Variants in LINGO2 observed in about 807,000 individuals in gnomAD.
The protein encoded by LINGO2 is leucine rich repeat and Ig domain containing 2, also known as leucine-rich repeat and immunoglobulin-like domain-containing nogo receptor-interacting protein 2.
A neutral mutation model predicts 30.6 loss-of-function variants in LINGO2; 14 were observed. The ratio of observed to expected loss-of-function variants is 0.46; its 90% CI spans 0.30 to 0.72. The LOEUF (loss-of-function observed/expected upper bound fraction) is 0.72. Among genes scored for constraint, LINGO2 ranks in the 30% least tolerant of loss-of-function variants. LINGO2 has a pLI of 0.07. For missense variants in LINGO2, 729 were observed against 751.7 expected (o/e 0.97, Z 0.35); for synonymous variants, 317 against 288.5 (o/e 1.10, Z -1.00).
intron 4 of LINGO2, among the ~76,000 whole-genome samples, chr9:28,213,160 G>T (rs1820649692): frequency 6.6e-6 from 1 of 151,412 alleles, no homozygotes; most frequent in African/African-American, 2.4e-5. Flanking sequence ...TCTACTCTTG[G>T]ACACTTCAAA....
At chr9:27,951,844 G>A (rs1243123741) in intron 5 of LINGO2, among the ~76,000 whole-genome samples, 2 of 151,370 alleles carry the variant, frequency 1.3e-5, no homozygotes, top group South Asian at 2.1e-4. Flanking sequence ...ATAATTATCC[G>A]ATTACAGTAT....
At chr9:28,644,437 C>T (rs903371753) in intron 1 of LINGO2, among the ~76,000 whole-genome samples, 1 of 151,824 alleles carries the variant, frequency 6.6e-6, no homozygotes, top group African/African-American at 2.4e-5. Flanking sequence ...AAGACAAACA[C>T]TCGATATGTT....
chr9:28,644,739 C>T lies in LINGO2; in HGVS notation c.-365+25461G>A, dbSNP rs1003626444. ...ATAAATCCTTGATGGAACAGAAGCC[C>T]CATTTTCCATGATGTCATTACTATG... On this transcript the variant is annotated intron_variant, in intron 1 of 5. Transcript: ENST00000379992. 2.0e-5 allele frequency among the ~76,000 whole-genome samples: 3 copies of T among 151,976 alleles called. No individual in the cohort carries two copies. In the East Asian group the frequency reaches 5.8e-4, roughly 29 times the overall value.
chr9:28,285,398 ATTTTTTTTTT>A (rs34034595), intron 4 of LINGO2, among the ~76,000 whole-genome samples: 8 of 76,166 alleles, frequency 1.1e-4, no homozygotes, highest in South Asian at 5.9e-4. Context: ...GCCCAAGATC[ATTTTTTTTTT>A]TTTTTTTTTT....
the LINGO2 span, among the ~76,000 whole-genome samples, chr9:28,760,939 T>C: frequency 4.5e-5 from 1 of 22,302 alleles, no homozygotes; most frequent in African/African-American, 1.1e-4. Context: ...TGTGTATATA[T>C]ATATATACAC....
intron 1 of LINGO2, among the ~76,000 whole-genome samples, chr9:28,562,326 G>A (rs1162577479): frequency 5.9e-5 from 9 of 151,754 alleles, no homozygotes; most frequent in Non-Finnish European, 1.2e-4. Flanking sequence ...AGTGAGCTAA[G>A]GCTTTCCTGA....
chr9:28,034,985 CTG>C (rs1823861748), intron 4 of LINGO2, among the ~76,000 whole-genome samples: 1 of 152,326 alleles, frequency 6.6e-6, no homozygotes, highest in Non-Finnish European at 1.5e-5. Context: ...GTATCTATCA[CTG>C]TGTCTTTCTC....
chr9:28,909,683 C>T, the LINGO2 span, among the ~76,000 whole-genome samples: 38 of 152,070 alleles, frequency 2.5e-4, no homozygotes, highest in African/African-American at 9.1e-4. Context: ...CATTCATTTC[C>T]TGTCAACTTT....
chr9:28,783,574 A>G, the LINGO2 span, among the ~76,000 whole-genome samples: 437 of 152,300 alleles, frequency 2.9e-3, 3 homozygotes, highest in African/African-American at 0.01. Flanking sequence ...TACTAAGGGA[A>G]CACAAACCCC....
intron 1 of LINGO2, among the ~76,000 whole-genome samples, chr9:28,662,837 C>T (rs759895924): frequency 7.9e-5 from 12 of 152,254 alleles, no homozygotes; most frequent in Non-Finnish European, 1.2e-4. Context: ...AGATCCATCA[C>T]CATTTAAACT....
chr9:28,077,016 G>A (rs1374074225), intron 4 of LINGO2, among the ~76,000 whole-genome samples: 1 of 152,060 alleles, frequency 6.6e-6, no homozygotes, highest in African/African-American at 2.4e-5. Flanking sequence ...AGTAAGTAGG[G>A]GTACTTTTTA....
At chr9:28,015,609 C>T (rs1009112706) in intron 4 of LINGO2, among the ~76,000 whole-genome samples, 16 of 152,052 alleles carry the variant, frequency 1.1e-4, no homozygotes, top group African/African-American at 3.9e-4. Context: ...ACATTAGGAA[C>T]ACAGGTTTTG....
Position 28,319,177 on chromosome 9 carries a change from T to C in LINGO2, c.-245-23811A>G, listed in dbSNP as rs543938706. On this transcript the variant is annotated intron_variant, in intron 3 of 5. Transcript: ENST00000379992. Reference sequence around the variant, plus strand: ...ACATGAAATCAAATTTAACACAATGTATAATGGGAAAATTGGGGCTTCCAT... The same window carrying C: ...ACATGAAATCAAATTTAACACAATGCATAATGGGAAAATTGGGGCTTCCAT... Among the ~76,000 whole-genome samples, 10 of 152,308 alleles carry C rather than the reference T, an allele frequency of 6.6e-5. No homozygotes were observed. In the South Asian group the frequency reaches 1.7e-3, roughly 25 times the overall value.
chr9:28,758,480 C>A, the LINGO2 span, among the ~76,000 whole-genome samples: 1 of 152,114 alleles, frequency 6.6e-6, no homozygotes, highest in East Asian at 1.9e-4. Context: ...TGTAAATTTC[C>A]CGTATAAAGC....
chr9:29,154,547 A>G, the LINGO2 span, among the ~76,000 whole-genome samples: 2 of 152,144 alleles, frequency 1.3e-5, no homozygotes, highest in Non-Finnish European at 2.9e-5. Context: ...GAAGCGCTAT[A>G]CTAAAAGTAG....
chr9:28,263,240 G>T (rs1453434754), intron 4 of LINGO2, among the ~76,000 whole-genome samples: 1 of 151,956 alleles, frequency 6.6e-6, no homozygotes, highest in Non-Finnish European at 1.5e-5. Flanking sequence ...CTTTCCTCTA[G>T]ATCCTCTTTG....
intron 4 of LINGO2, among the ~76,000 whole-genome samples, chr9:28,270,528 C>T (rs527816644): frequency 1.3e-5 from 2 of 152,146 alleles, no homozygotes; most frequent in East Asian, 1.9e-4. Flanking sequence ...GAGCCAAAAC[C>T]CACATTTTCA....
At chr9:28,650,795 T>C (rs754426834) in intron 1 of LINGO2, among the ~76,000 whole-genome samples, 3 of 152,222 alleles carry the variant, frequency 2.0e-5, no homozygotes, top group Non-Finnish European at 4.4e-5. Context: ...TAGTGATCAC[T>C]GTCACTGTAT....
At chr9:29,064,448 A>C in the LINGO2 span, among the ~76,000 whole-genome samples, 1 of 152,114 alleles carries the variant, frequency 6.6e-6, no homozygotes, top group East Asian at 1.9e-4. Flanking sequence ...AATTAGAATT[A>C]TATGTGACAG....
Sources: allele counts gnomAD v4.1 joint callset (sites outside exome capture counted in the v4.1 genomes callset), GRCh38; gene constraint gnomAD v4.1.1; transcripts MANE v1.5; gene names NCBI Gene and HGNC (gene_info 2026-07-23, HGNC 2026-07-21).